The following GALNTL6 variants were observed in gnomAD, a reference collection of about 807,000 sequenced individuals.
GALNTL6 encodes the protein polypeptide N-acetylgalactosaminyltransferase like 6.
In GALNTL6, 46 loss-of-function variants were observed where a neutral mutation model predicts 73.7. That is an observed-to-expected ratio of 0.62 (90% CI 0.49 to 0.80). The LOEUF (loss-of-function observed/expected upper bound fraction) is 0.80, where lower values mean the gene tolerates loss of function less well. GALNTL6 is among the 30% of genes least tolerant of loss of function. The probability of loss-of-function intolerance (pLI) is 0.00; values close to 1 mark genes in which losing one functional copy is unlikely to be tolerated. For synonymous variants in GALNTL6, 259 were observed against 263.7 expected (o/e 0.98, Z 0.17); for missense variants, 604 against 755.0 (o/e 0.80, Z 2.34).
chr4:172,020,680 C>T (rs1705491212), intron 2 of GALNTL6, among the ~76,000 whole-genome samples: 1 of 151,672 alleles, frequency 6.6e-6, no homozygotes, highest in African/African-American at 2.4e-5. Context: ...AGCCTCACAG[C>T]AAAGAAAAGC....
At chr4:172,079,351 A>T (rs963631625) in intron 2 of GALNTL6, among the ~76,000 whole-genome samples, 1 of 152,054 alleles carries the variant, frequency 6.6e-6, no homozygotes, top group African/African-American at 2.4e-5. Context: ...TACTTATTTA[A>T]CCAAGCCTGT....
chr4:172,124,060 T>C (rs1245637107), intron 2 of GALNTL6, among the ~76,000 whole-genome samples: 2 of 152,158 alleles, frequency 1.3e-5, no homozygotes, highest in Admixed American at 6.5e-5. Context: ...AGATGAGCCA[T>C]AGTTAAAAAT....
intron 3 of GALNTL6, among the ~76,000 whole-genome samples, chr4:172,235,107 C>T (rs560986326): frequency 3.3e-5 from 5 of 152,066 alleles, no homozygotes; most frequent in South Asian, 2.1e-4. Flanking sequence ...ATAAGATTTT[C>T]GTAATGCCTG....
intron 5 of GALNTL6, among the ~76,000 whole-genome samples, chr4:172,351,020 C>T (rs780995999): frequency 5.9e-5 from 9 of 152,056 alleles, no homozygotes; most frequent in Non-Finnish European, 8.8e-5. Context: ...GATGGAGGGC[C>T]GCCATGGATG....
intron 2 of GALNTL6, among the ~76,000 whole-genome samples, chr4:171,883,952 T>C (rs1736537201): frequency 1.3e-5 from 2 of 152,144 alleles, no homozygotes; most frequent in African/African-American, 2.4e-5. Flanking sequence ...CAGACATATA[T>C]GTGCTTTTCT....
chr4:172,743,855 G>T (rs937474534), intron 5 of GALNTL6, among the ~76,000 whole-genome samples: 1 of 151,990 alleles, frequency 6.6e-6, no homozygotes. Flanking sequence ...ATAATCTATT[G>T]TCATCCTCCA....
At chr4:172,544,975 A>G (rs1432633182) in intron 5 of GALNTL6, among the ~76,000 whole-genome samples, 4 of 152,154 alleles carry the variant, frequency 2.6e-5, no homozygotes, top group South Asian at 2.1e-4. Flanking sequence ...GTTTTTCCCA[A>G]TGCTTATATC....
intron 5 of GALNTL6, among the ~76,000 whole-genome samples, chr4:172,744,014 C>A (rs9994337): frequency 0.36 from 54,500 of 151,938 alleles, 10,825 homozygotes; most frequent in African/African-American, 0.52. Context: ...TATTACCCTC[C>A]TCTAGAGGGG....
intron 5 of GALNTL6, among the ~76,000 whole-genome samples, chr4:172,775,650 A>G (rs917011473): frequency 1.3e-5 from 2 of 152,208 alleles, no homozygotes; most frequent in Non-Finnish European, 2.9e-5. Flanking sequence ...TGACTCCCCA[A>G]TAATGCTGAA....
At chr4:172,339,257 C>CCACA (rs70941402) in intron 4 of GALNTL6, among the ~76,000 whole-genome samples, 4,375 of 120,856 alleles carry the variant, frequency 0.036, 125 homozygotes, top group African/African-American at 0.062. Flanking sequence ...CACACACACA[C>CCACA]CACACACACA....
At chr4:171,919,444 G>A (rs900311131) in intron 2 of GALNTL6, among the ~76,000 whole-genome samples, 3 of 152,032 alleles carry the variant, frequency 2.0e-5, no homozygotes, top group Non-Finnish European at 4.4e-5. Flanking sequence ...GGACTTGTTA[G>A]AAGACGGATT....
chr4:172,675,173 G>A (rs1732212151), intron 5 of GALNTL6, among the ~76,000 whole-genome samples: 3 of 151,868 alleles, frequency 2.0e-5, no homozygotes, highest in Admixed American at 2.0e-4. Context: ...TGATGATCTT[G>A]AGGGTTTGAT....
At chr4:171,983,904 G>A (rs1472708048) in intron 2 of GALNTL6, among the ~76,000 whole-genome samples, 1 of 152,158 alleles carries the variant, frequency 6.6e-6, no homozygotes, top group Admixed American at 6.5e-5. Flanking sequence ...AGGAAAGGAA[G>A]TATACATATG....
chr4:172,459,143 G>A (rs1428819923), intron 5 of GALNTL6, among the ~76,000 whole-genome samples: 1 of 152,092 alleles, frequency 6.6e-6, no homozygotes. Flanking sequence ...TGCAGAAAAG[G>A]CCTTCGATAA....
At chr4:172,311,792 G>T (rs1561020524) in intron 4 of GALNTL6, 40 bp downstream of exon 4, 4 of 1,324,312 alleles carry the variant, frequency 3.0e-6, no homozygotes, top group East Asian at 2.8e-5. Flanking sequence ...GGGTTTTTTT[G>T]GTTTTTTTTG....
At chr4:171,864,258 C>A (rs1215186409) in intron 2 of GALNTL6, among the ~76,000 whole-genome samples, 2 of 151,962 alleles carry the variant, frequency 1.3e-5, no homozygotes, top group African/African-American at 4.8e-5. Context: ...GATTTAGGTT[C>A]TGAATATGAT....
At chr4:172,272,274 A>G (rs1738683540) in intron 3 of GALNTL6, among the ~76,000 whole-genome samples, 1 of 152,134 alleles carries the variant, frequency 6.6e-6, no homozygotes, top group Non-Finnish European at 1.5e-5. Flanking sequence ...TCATAGTTTA[A>G]TGAGGATAAT....
chr4:171,918,845 G>A (rs1737701863), intron 2 of GALNTL6, among the ~76,000 whole-genome samples: 1 of 152,154 alleles, frequency 6.6e-6, no homozygotes, highest in East Asian at 1.9e-4. Context: ...AGACATGACA[G>A]TTGAAACTTG....
intron 2 of GALNTL6, among the ~76,000 whole-genome samples, chr4:171,870,933 G>A (rs1441073971): frequency 6.6e-6 from 1 of 152,132 alleles, no homozygotes; most frequent in Non-Finnish European, 1.5e-5. Flanking sequence ...GTAAATTTCT[G>A]TTGTTTAAGC....
Sources: gnomAD v4.1 joint callset for allele counts (sites outside exome capture counted in the v4.1 genomes callset) on GRCh38, gnomAD v4.1.1 for gene constraint, MANE v1.5 for transcripts, NCBI Gene and HGNC (gene_info 2026-07-23, HGNC 2026-07-21) for gene names.